The following SYN3 variants were observed in gnomAD, a reference collection of about 807,000 sequenced individuals.
SYN3 encodes synapsin III.
SYN3 carries 35 observed loss-of-function variants against 65.8 expected under a neutral mutation model. The observed-to-expected ratio is 0.53, with a 90% CI of 0.41 to 0.70. The LOEUF (loss-of-function observed/expected upper bound fraction) is 0.70. Among genes scored for constraint, SYN3 ranks in the 30% least tolerant of loss-of-function variants. The pLI is 0.00. For missense variants in SYN3, 680 were observed against 749.0 expected (o/e 0.91, Z 1.08); for synonymous variants, 270 against 292.9 (o/e 0.92, Z 0.80).
chr22:32,779,014 T>C (rs1017152439), intron 6 of SYN3, among the ~76,000 whole-genome samples: 3 of 152,210 alleles, frequency 2.0e-5, no homozygotes, highest in Admixed American at 6.5e-5. Context: ...AAGACAGACA[T>C]AGTCCCTACC....
chr22:32,748,350 T>C (rs1008612603), intron 6 of SYN3, among the ~76,000 whole-genome samples: 11 of 152,122 alleles, frequency 7.2e-5, no homozygotes, highest in Admixed American at 6.5e-5. Flanking sequence ...CAGCTGTAAG[T>C]TGTATAACTT....
chr22:32,606,377 A>G (rs1410818212), intron 6 of SYN3, among the ~76,000 whole-genome samples: 1 of 152,220 alleles, frequency 6.6e-6, no homozygotes, highest in Non-Finnish European at 1.5e-5. Context: ...CATAAAGCTT[A>G]ACCTTGCTGT....
chr22:32,525,483 G>A (rs956231873), intron 12 of SYN3, among the ~76,000 whole-genome samples: 11 of 152,102 alleles, frequency 7.2e-5, no homozygotes, highest in East Asian at 3.9e-4. Flanking sequence ...TGAGGCGGGC[G>A]GATCACGAGG....
At chr22:33,011,330 A>G (rs754112136) in intron 1 of SYN3, among the ~76,000 whole-genome samples, 6 of 152,204 alleles carry the variant, frequency 3.9e-5, no homozygotes, top group South Asian at 2.1e-4. Context: ...AGAGGATTAT[A>G]TGTTTTTGAA....
intron 1 of SYN3, among the ~76,000 whole-genome samples, chr22:33,038,979 T>C (rs2053911744): frequency 6.6e-6 from 1 of 152,324 alleles, no homozygotes; most frequent in Admixed American, 6.5e-5. Context: ...CGGAGAGTTC[T>C]GGGCAGGAAT....
chr22:33,015,232 A>G, intron 1 of SYN3: 1 of 433,716 alleles, frequency 2.3e-6, no homozygotes, highest in South Asian at 3.0e-5. Flanking sequence ...AAAAAAAAAA[A>G]AAAAAAAAAA....
chr22:32,723,713 C>T (rs1476257676), intron 6 of SYN3, among the ~76,000 whole-genome samples: 2 of 152,250 alleles, frequency 1.3e-5, no homozygotes, highest in Non-Finnish European at 2.9e-5. Flanking sequence ...CGGAGTCATT[C>T]GGCAAAACCT....
intron 6 of SYN3, among the ~76,000 whole-genome samples, chr22:32,715,764 G>T (rs1262488912): frequency 3.1e-5 from 4 of 128,586 alleles, no homozygotes; most frequent in Non-Finnish European, 6.2e-5. Flanking sequence ...GGGTGACAGA[G>T]CAAGACTCTG....
chr22:32,700,983 C>T (rs1199108987), intron 6 of SYN3, among the ~76,000 whole-genome samples: 1 of 152,222 alleles, frequency 6.6e-6, no homozygotes, highest in Non-Finnish European at 1.5e-5. Flanking sequence ...GTTAACTCCT[C>T]ATATTCATTC....
chr22:33,017,648 T>G (rs2053491595), intron 1 of SYN3, among the ~76,000 whole-genome samples: 1 of 152,222 alleles, frequency 6.6e-6, no homozygotes, highest in Admixed American at 6.5e-5. Flanking sequence ...GAAATTGATT[T>G]CTTAAGTTCC....
intron 2 of SYN3, among the ~76,000 whole-genome samples, chr22:33,005,131 A>G (rs1286594910): frequency 6.6e-6 from 1 of 152,192 alleles, no homozygotes; most frequent in Non-Finnish European, 1.5e-5. Context: ...AGCCACGTGG[A>G]ACTGTGAGTT....
intron 13 of SYN3, among the ~76,000 whole-genome samples, chr22:32,516,346 GATTTATTTATTT>G (rs58972175): frequency 2.0e-4 from 30 of 149,956 alleles, no homozygotes; most frequent in African/African-American, 5.5e-4. Context: ...ATACATCTTT[GATTTATTTATTT>G]ATTTATTTAT....
At chr22:32,987,363 G>C (rs2052558608) in intron 2 of SYN3, among the ~76,000 whole-genome samples, 1 of 152,172 alleles carries the variant, frequency 6.6e-6, no homozygotes, top group South Asian at 2.1e-4. Context: ...TGGCAGGCTG[G>C]ATGGGCAGAG....
intron 6 of SYN3, among the ~76,000 whole-genome samples, chr22:32,815,765 A>G (rs2047073198): frequency 6.6e-6 from 1 of 152,204 alleles, no homozygotes; most frequent in Non-Finnish European, 1.5e-5. Context: ...CTTACCTAGT[A>G]TGTACCTACA....
Position 33,011,806 on chromosome 22 carries a change from C to T in SYN3, c.-162-4982G>A, listed in dbSNP as rs557471030. Among the ~76,000 whole-genome samples, 6 of 152,164 alleles carry T rather than the reference C, an allele frequency of 3.9e-5. No homozygotes were observed. The East Asian group carries it at 7.7e-4, about 20-fold the overall frequency. The stretch of plus-strand genomic sequence containing the variant: ...TCTCAATTTTGACAATATGTGATTT[C>T]GAGCATTTTGTCCATTTCATCTTGG... On this transcript the variant is annotated intron_variant, in intron 1 of 13. Coordinates refer to ENST00000358763, the MANE Select transcript of SYN3 (RefSeq NM_003490.4).
intron 6 of SYN3, among the ~76,000 whole-genome samples, chr22:32,670,606 A>C (rs201010448): frequency 6.6e-6 from 1 of 152,198 alleles, no homozygotes; most frequent in East Asian, 1.9e-4. Context: ...TTTGTATCTT[A>C]CAGCATTAGG....
chr22:32,914,429 T>A (rs2050136180), intron 4 of SYN3, among the ~76,000 whole-genome samples: 2 of 139,348 alleles, frequency 1.4e-5, no homozygotes, highest in South Asian at 4.8e-4. Flanking sequence ...ACAGGCCCTA[T>A]CATGTGGAGT....
chr22:32,799,554 T>C (rs1330557241), intron 6 of SYN3, among the ~76,000 whole-genome samples: 1 of 152,118 alleles, frequency 6.6e-6, no homozygotes, highest in Non-Finnish European at 1.5e-5. Context: ...AAAACTGAAA[T>C]GTGAAAAGAA....
chr22:32,990,205 A>T (rs2052654227), intron 2 of SYN3, among the ~76,000 whole-genome samples: 1 of 152,182 alleles, frequency 6.6e-6, no homozygotes, highest in African/African-American at 2.4e-5. Flanking sequence ...TGTCAAGGTG[A>T]AAAGTGCAGA....
Sources: allele counts gnomAD v4.1 joint callset (sites outside exome capture counted in the v4.1 genomes callset), GRCh38; gene constraint gnomAD v4.1.1; transcripts MANE v1.5; gene names NCBI Gene and HGNC (gene_info 2026-07-23, HGNC 2026-07-21).